The following CMC1 variants were observed in gnomAD, a reference collection of about 807,000 sequenced individuals.
The protein encoded by CMC1 is COX assembly mitochondrial protein homolog.
In CMC1, 14 loss-of-function variants were observed where a neutral mutation model predicts 14.1. That is an observed-to-expected ratio of 0.99 (90% CI 0.66 to 1.55). CMC1 has a LOEUF of 1.55. Among genes scored for constraint, CMC1 ranks in the 40% most tolerant of loss-of-function variants. CMC1 has a pLI of 0.00. For missense variants in CMC1, 127 were observed against 123.8 expected, an observed-to-expected ratio of 1.03 and a Z score of -0.12; for synonymous variants, 50 against 38.4, an observed-to-expected ratio of 1.30 and a Z score of -1.12.
intron 2 of CMC1, among the ~76,000 whole-genome samples, chr3:28,265,096 T>TG (rs1699938997): frequency 6.6e-6 from 1 of 152,172 alleles, no homozygotes; most frequent in South Asian, 2.1e-4. Flanking sequence ...GTTTAGGATG[T>TG]TGACGTAGTT....
chr3:28,317,465 G>T (rs1702983479), intron 3 of CMC1: 1 of 151,970 alleles, frequency 6.6e-6, no homozygotes. Flanking sequence ...CTATTCTCAA[G>T]TGCTTCCAAG....
chr3:28,246,454 T>G lies in CMC1; in HGVS notation c.19+4642T>G, dbSNP rs193197046. 2.0e-3 allele frequency among the ~76,000 whole-genome samples: 305 copies of G among 152,312 alleles called. 1 individual carries two copies. The highest frequency in any genetic ancestry group is 6.8e-3 in the Middle Eastern group (2 of 294). On this transcript the variant is annotated intron_variant, in intron 1 of 3. Coordinates refer to ENST00000466830, the MANE Select transcript of CMC1 (RefSeq NM_182523.2). ...AAACCATTTCAAGGATTTTGAATTT[T>G]ATACTAAGAACAATGGGAAGACACT...
At chr3:28,251,527 C>G (rs1037056108) in intron 1 of CMC1, among the ~76,000 whole-genome samples, 1 of 152,102 alleles carries the variant, frequency 6.6e-6, no homozygotes, top group Non-Finnish European at 1.5e-5. Context: ...AACCATATTG[C>G]TCCCACCCCA....
At chr3:28,246,740 A>G (rs1263271554) in intron 1 of CMC1, among the ~76,000 whole-genome samples, 1 of 150,808 alleles carries the variant, frequency 6.6e-6, no homozygotes, top group African/African-American at 2.4e-5. Context: ...TGGGAAGGTT[A>G]AGACCTTGTA....
At chr3:28,290,014 A>T (rs1057482047) in intron 2 of CMC1, among the ~76,000 whole-genome samples, 20 of 152,160 alleles carry the variant, frequency 1.3e-4, no homozygotes, top group African/African-American at 4.8e-5. Context: ...ACAAGAAAAC[A>T]TATGAAACCC....
At chr3:28,288,726 G>T (rs1577053700) in intron 2 of CMC1, among the ~76,000 whole-genome samples, 1 of 151,874 alleles carries the variant, frequency 6.6e-6, no homozygotes, top group East Asian at 1.9e-4. Context: ...TGTTAAAGAG[G>T]ATTATGATGA....
chr3:28,297,581 G>GA (rs1701796614), intron 2 of CMC1, among the ~76,000 whole-genome samples: 1 of 152,112 alleles, frequency 6.6e-6, no homozygotes. Context: ...AAATGTTTAA[G>GA]AAAGCTTTTC....
chr3:28,303,748 C>A (rs904668799), intron 2 of CMC1, among the ~76,000 whole-genome samples: 1 of 151,770 alleles, frequency 6.6e-6, no homozygotes, highest in South Asian at 2.1e-4. Flanking sequence ...GCTATTTGTT[C>A]GATAAATATA....
chr3:28,263,247 G>A, intron 1 of CMC1, 44 bp from the exon 2 acceptor site: 2 of 1,390,324 alleles, frequency 1.4e-6, no homozygotes, highest in South Asian at 1.3e-5. Context: ...TTAATCTGGT[G>A]ATTTGCTTGA....
intron 2 of CMC1, among the ~76,000 whole-genome samples, chr3:28,311,377 A>G (rs192703048): frequency 2.6e-5 from 4 of 152,244 alleles, no homozygotes; most frequent in Admixed American, 6.5e-5. Flanking sequence ...GAGACCTACA[A>G]TTGTGTTACT....
At chr3:28,289,428 CAT>C (rs1429405631) in intron 2 of CMC1, among the ~76,000 whole-genome samples, 10 of 151,966 alleles carry the variant, frequency 6.6e-5, no homozygotes, top group Non-Finnish European at 1.3e-4. Flanking sequence ...CCGAGTATAA[CAT>C]GAGATATTTG....
At chr3:28,318,799 G>C (rs199498975) in intron 3 of CMC1, 1 of 153,200 alleles carries the variant, frequency 6.5e-6, no homozygotes, top group Non-Finnish European at 1.5e-5. Context: ...TGGCTATCTT[G>C]CCTCTAACCT....
At chr3:28,312,265 A>T (rs1049340186) in intron 2 of CMC1, among the ~76,000 whole-genome samples, 1 of 152,228 alleles carries the variant, frequency 6.6e-6, no homozygotes, top group African/African-American at 2.4e-5. Context: ...GTTAGGAATA[A>T]GTGCTGTGTC....
chr3:28,267,258 A>G (rs1223663381), intron 2 of CMC1, among the ~76,000 whole-genome samples: 2 of 152,322 alleles, frequency 1.3e-5, no homozygotes, highest in South Asian at 4.1e-4. Flanking sequence ...GAGTCACTGA[A>G]TTGTATAGTG....
intron 2 of CMC1, among the ~76,000 whole-genome samples, chr3:28,266,244 G>C (rs978307044): frequency 6.6e-6 from 1 of 152,022 alleles, no homozygotes; most frequent in Non-Finnish European, 1.5e-5. Context: ...ATAACATTTA[G>C]AATGTTTCAT....
At chr3:28,296,747 C>CA (rs1701757724) in intron 2 of CMC1, among the ~76,000 whole-genome samples, 2 of 151,998 alleles carry the variant, frequency 1.3e-5, no homozygotes, top group Non-Finnish European at 2.9e-5. Flanking sequence ...ACTTATTTAA[C>CA]ATATATTGAA....
Position 28,321,995 on chromosome 3 carries a change from A to C in CMC1, c.*2366A>C, listed in dbSNP as rs1269703027. On this transcript the variant is annotated 3_prime_UTR_variant, in exon 4 of 4. Transcript: ENST00000466830. ...TGAAAGAAGTCAACATAAAATATTC[A>C]ATTTTAAATAGATTCATAAGCTACA... The C allele has an allele frequency of 6.6e-6, 1 of 151,364 alleles. No homozygotes were observed. Among genetic ancestry groups the C allele is most frequent in the African/African-American group, 2.4e-5 (1 of 41,342 alleles). The allele number at this position is 151,364 out of a possible 1,614,324, so 9.4% of individuals were successfully genotyped here.
At chr3:28,258,958 C>A (rs1225552492) in intron 1 of CMC1, among the ~76,000 whole-genome samples, 1 of 151,982 alleles carries the variant, frequency 6.6e-6, no homozygotes, top group Non-Finnish European at 1.5e-5. Flanking sequence ...TTACATTACT[C>A]TTTTTGGCTA....
chr3:28,273,030 A>G (rs6551249), intron 2 of CMC1, among the ~76,000 whole-genome samples: 148,878 of 152,320 alleles, frequency 0.98, 72,777 homozygotes, highest in East Asian at 1. Context: ...TCAGGATGAT[A>G]CTGGCCTCAT....
Sources: allele counts gnomAD v4.1 joint callset (sites outside exome capture counted in the v4.1 genomes callset), GRCh38; gene constraint gnomAD v4.1.1; transcripts MANE v1.5; gene names NCBI Gene and HGNC (gene_info 2026-07-23, HGNC 2026-07-21).